The following PAEP variants were observed in gnomAD, a reference collection of about 807,000 sequenced individuals.
PAEP encodes the protein glycodelin.
PAEP carries 28 observed loss-of-function variants against 23.0 expected under a neutral mutation model. The observed-to-expected ratio is 1.22, with a 90% CI of 0.90 to 1.67. PAEP has a LOEUF of 1.67. Ranked by LOEUF, PAEP falls within the 40% of genes most tolerant of loss-of-function variation. PAEP has a pLI of 0.00. For synonymous variants in PAEP, 103 were observed against 92.4 expected (o/e 1.12, Z -0.66); for missense variants, 209 against 226.4 (o/e 0.92, Z 0.49).
At chr9:135,564,426 G>C in intron 4 of PAEP, 72 bp downstream of exon 4, 6 of 1,528,094 alleles carry the variant, frequency 3.9e-6, no homozygotes, top group Non-Finnish European at 4.4e-6. Flanking sequence ...GAACCCTGGG[G>C]AGCTGACAAC....
chr9:135,562,964 T>G, intron 3 of PAEP, 71 bp downstream of exon 3: 1 of 1,207,678 alleles, frequency 8.3e-7, no homozygotes, highest in Admixed American at 1.7e-5. Flanking sequence ...GAGGCGGCTC[T>G]GCTGGGGCAT....
chr9:135,563,104 A>G (rs1349979410), intron 3 of PAEP, among the ~76,000 whole-genome samples: 2 of 152,390 alleles, frequency 1.3e-5, no homozygotes, highest in African/African-American at 4.8e-5. Flanking sequence ...AATTCTTGGC[A>G]TGACATGACT....
At chr9:135,566,143 G>A (rs963807079) in intron 6 of PAEP, 12 of 310,326 alleles carry the variant, frequency 3.9e-5, no homozygotes, top group South Asian at 7.0e-5. Flanking sequence ...AGAAGCTGGG[G>A]ACCTGCAGGT....
intron 5 of PAEP, 46 bp from the exon 6 acceptor site, chr9:135,565,739 G>A (rs746851084): frequency 1.1e-5 from 18 of 1,612,138 alleles, no homozygotes; most frequent in Non-Finnish European, 1.1e-5. Flanking sequence ...GTCCCCAGCT[G>A]TCTCTTCTCT....
At position 135,565,452 on chromosome 9, in the gene PAEP, T is replaced by C; in HGVS notation, c.464T>C (p.Ile155Thr). ...GACGATGAGATCATGCAGGGATTCATCAGGGCTTTCAGGCCCCTGCCCAGG... is the reference window on the plus strand; with the variant it reads ...GACGATGAGATCATGCAGGGATTCACCAGGGCTTTCAGGCCCCTGCCCAGG... ...VEDDEIMQGF[I>T]RAFRPLPRHL... The change falls in exon 5 of 7, where the codon ATC becomes ACC. Residue 155 changes from isoleucine to threonine, a missense_variant. Physicochemically the swap from Ile to Thr is moderately conservative, Grantham distance 89 (BLOSUM62 -1). Coordinates refer to ENST00000479141, the MANE Select transcript of PAEP (RefSeq NM_002571.4). 4 of 1,614,190 alleles carry C rather than the reference T, an allele frequency of 2.5e-6. No homozygotes were observed. Among genetic ancestry groups the C allele is most frequent in the Non-Finnish European group, 8.5e-7 (1 of 1,180,028 alleles).
Position 135,562,313 on chromosome 9 carries a change from C to T in PAEP, c.116C>T (p.Ser39Phe). Residue 39 changes from serine (S) to phenylalanine (F), a missense_variant, in exon 2 of 7, where the codon TCC becomes TTC. By Grantham distance (155) the Ser-to-Phe change is radical (BLOSUM62 -2). Transcript: ENST00000479141. ...CCTCAGTTGGCAGGGACCTGGCACTCCATGGCCATGGCGACCAACAACATC... is the reference window on the plus strand; with the variant it reads ...CCTCAGTTGGCAGGGACCTGGCACTTCATGGCCATGGCGACCAACAACATC... ...ELPKLAGTWH[S>F]MAMATNNISL... 1 of 1,613,972 alleles carries T rather than the reference C, an allele frequency of 6.2e-7. No homozygotes were observed.
At position 135,564,144 on chromosome 9, in the gene PAEP, G is replaced by A. The variant is rs566933012; in HGVS notation, c.311-100G>A. 1.2e-4 allele frequency: 174 copies of A among 1,496,156 alleles called. 1 individual carries two copies. In the East Asian group the frequency reaches 3.7e-3, roughly 32 times the overall value. The allele number at this position is 1,496,156 out of a possible 1,614,324, so 92.7% of individuals were successfully genotyped here. ...GCCACGTCCCATGGTGTCAGTGGAT[G>A]AGGAAGCCACTTAGTGTGGTGGGAT... On this transcript the variant is annotated intron_variant, in intron 3 of 6. Transcript: ENST00000479141.
intron 1 of PAEP, 33 bp from the exon 2 acceptor site, chr9:135,562,261 G>A (rs1832334003): frequency 2.5e-6 from 4 of 1,606,314 alleles, no homozygotes; most frequent in African/African-American, 1.3e-5. Context: ...CCATGGTGGG[G>A]TGGGACCGCC....
rs1832322703 is a variant in PAEP, at chr9:135,562,044, C to T, written c.96+147C>T. 5.2e-6 allele frequency: 4 copies of T among 769,826 alleles called. No individual in the cohort carries two copies. In the South Asian group the frequency reaches 7.3e-5, roughly 14 times the overall value. The allele number at this position is 769,826 out of a possible 1,614,324, so 47.7% of individuals were successfully genotyped here. A position where few individuals can be genotyped will look rare whatever the true frequency, so the allele number is the denominator to read the frequency against. The stretch of plus-strand genomic sequence containing the variant: ...TCAGGAAGCCCTCAGCCCTGCTCTC[C>T]ATCTTTAGGGTGGCCTCTCTGGTTT... On this transcript the variant is annotated intron_variant, in intron 1 of 6. Transcript: ENST00000479141.
chr9:135,564,688 A>G, intron 4 of PAEP: 1 of 606,360 alleles, frequency 1.6e-6, no homozygotes, highest in Non-Finnish European at 2.1e-6. Flanking sequence ...ATTTTTTGGT[A>G]GAGACGGGGT....
intron 2 of PAEP, 79 bp from the exon 3 acceptor site, chr9:135,562,741 T>C (rs1279108026): frequency 8.2e-7 from 1 of 1,212,926 alleles, no homozygotes; most frequent in Non-Finnish European, 1.2e-6. Flanking sequence ...GAAGTTCCCG[T>C]GGTGACCTGA....
At position 135,565,576 on chromosome 9, in the gene PAEP, C is replaced by G. The variant is rs186327730; in HGVS notation, c.526+62C>G. 3 of 1,497,052 alleles carry G rather than the reference C, an allele frequency of 2.0e-6. No individual in the cohort carries two copies. The South Asian group carries it at 3.4e-5, about 17-fold the overall frequency. The allele number at this position is 1,497,052 out of a possible 1,614,324, so 92.7% of individuals were successfully genotyped here. A position where few individuals can be genotyped will look rare whatever the true frequency, so the allele number is the denominator to read the frequency against. ...AGGAGAAGCTGCCTCTTTCTTAGCC[C>G]GAGCCCCCTGCTGGCTCTGCAGGAC... is the stretch of plus-strand genomic sequence containing the variant. On this transcript the variant is annotated intron_variant, in intron 5 of 6. Transcript: ENST00000479141.
At chr9:135,564,863 G>A in intron 4 of PAEP, 2 of 985,442 alleles carry the variant, frequency 2.0e-6, no homozygotes, top group Non-Finnish European at 2.4e-6. Context: ...AGCTGATATA[G>A]GGCCAGTGGG....
chr9:135,565,614 T>C (rs1469111404), intron 5 of PAEP, 100 bp downstream of exon 5: 1 of 1,369,868 alleles, frequency 7.3e-7, no homozygotes. Flanking sequence ...AGGTCACTCC[T>C]TTTTGGCCCC....
Position 135,561,880 on chromosome 9 carries a change from G to A in PAEP, c.79G>A (p.Asp27Asn), listed in dbSNP as rs1295678953. 9.6e-6 allele frequency: 15 copies of A among 1,565,596 alleles called. No homozygotes were observed. The highest frequency in any genetic ancestry group is 1.9e-5 in the Admixed American group (1 of 53,450). ...PAMDIPQTKQ[D>N]LELPKLAGTW... Reference sequence around the variant, plus strand: ...CATGGACATCCCCCAGACCAAGCAGGACCTGGAGCTCCCAAAGGTTTGAGG... The same window carrying A: ...CATGGACATCCCCCAGACCAAGCAGAACCTGGAGCTCCCAAAGGTTTGAGG... Residue 27 changes from aspartate to asparagine, a missense_variant, in exon 1 of 7, where the codon GAC becomes AAC. Coordinates refer to ENST00000479141, the MANE Select transcript of PAEP (RefSeq NM_002571.4).
rs933879458 is a variant in PAEP, at chr9:135,564,607, G to A, written c.421+253G>A. ...CAACTTCTGCCTCCCAGATTCAAGC[G>A]ATTCTCGTGCCTCAGCCTCCAGAGT... is the stretch of plus-strand genomic sequence containing the variant. On this transcript the variant is annotated intron_variant, in intron 4 of 6. Transcript: ENST00000479141. 4.9e-5 allele frequency: 30 copies of A among 616,768 alleles called. No individual in the cohort carries two copies. The African/African-American group carries it at 5.8e-4, about 12-fold the overall frequency. The allele number at this position is 616,768 out of a possible 1,614,324, so 38.2% of individuals were successfully genotyped here.
chr9:135,563,856 T>G (rs946127277), intron 3 of PAEP, among the ~76,000 whole-genome samples: 1 of 151,968 alleles, frequency 6.6e-6, no homozygotes, highest in African/African-American at 2.4e-5. Flanking sequence ...CTGCTTGCCC[T>G]CCCCAGAATC....
rs1374153234 is a variant in PAEP, at chr9:135,566,822, G to T, written c.*270G>T. The stretch of plus-strand genomic sequence containing the variant: ...ACTGCTGGGTGTGGGATTCAGGGAC[G>T]AGGGCCTGGGGTCGGGGCAGGCCCA... On this transcript the variant is annotated 3_prime_UTR_variant, in exon 7 of 7. Transcript: ENST00000479141. The T allele has an allele frequency of 6.5e-6, 1 of 154,764 alleles. No homozygotes were observed. The highest frequency in any genetic ancestry group is 1.5e-5 in the Non-Finnish European group (1 of 68,222). The allele number at this position is 154,764 out of a possible 1,614,324, so 9.6% of individuals were successfully genotyped here. A position where few individuals can be genotyped will look rare whatever the true frequency, so the allele number is the denominator to read the frequency against.
At chr9:135,565,866 C>T in intron 6 of PAEP, 65 bp downstream of exon 6, 1 of 1,557,334 alleles carries the variant, frequency 6.4e-7, no homozygotes, top group Non-Finnish European at 8.9e-7. Context: ...CTGCGGCTGC[C>T]TCTCTGGGCC....
Sources: gnomAD v4.1 joint callset for allele counts (sites outside exome capture counted in the v4.1 genomes callset) on GRCh38, gnomAD v4.1.1 for gene constraint, MANE v1.5 for transcripts, NCBI Gene and HGNC (gene_info 2026-07-23, HGNC 2026-07-21) for gene names.